Variants in AAK1 observed in about 807,000 individuals in gnomAD.
The protein encoded by AAK1 is AP2-associated protein kinase 1.
A neutral mutation model predicts 116.0 loss-of-function variants in AAK1; 37 were observed. The observed-to-expected ratio is 0.32, with a 90% CI of 0.25 to 0.42. The LOEUF is 0.42. Among genes scored for constraint, AAK1 ranks in the 10% least tolerant of loss-of-function variants. The pLI, the probability that AAK1 is intolerant of heterozygous loss-of-function variation, is 1.00. For missense variants in AAK1, 919 were observed against 1,170.6 expected (o/e 0.79, Z 3.14); for synonymous variants, 458 against 439.9 (o/e 1.04, Z -0.51).
chr2:69,500,688 T>TACAC (rs1395816083), intron 16 of AAK1, among the ~76,000 whole-genome samples: 19 of 112,176 alleles, frequency 1.7e-4, no homozygotes, highest in African/African-American at 6.7e-4. Flanking sequence ...TATATATATA[T>TACAC]ATATATATAT....
At chr2:69,626,308 C>T (rs1438671341) in intron 2 of AAK1, among the ~76,000 whole-genome samples, 1 of 151,630 alleles carries the variant, frequency 6.6e-6, no homozygotes, top group Non-Finnish European at 1.5e-5. Flanking sequence ...TCAGCATCCA[C>T]CTCCCTTCCC....
intron 2 of AAK1, among the ~76,000 whole-genome samples, chr2:69,615,634 G>T (rs1216570731): frequency 6.6e-6 from 1 of 152,180 alleles, no homozygotes; most frequent in Admixed American, 6.5e-5. Flanking sequence ...GAAAGAAACT[G>T]TACTCACACA....
intron 2 of AAK1, among the ~76,000 whole-genome samples, chr2:69,560,258 T>C (rs1489303979): frequency 2.0e-5 from 3 of 152,232 alleles, no homozygotes; most frequent in Non-Finnish European, 4.4e-5. Flanking sequence ...CCATTCAAGA[T>C]ACTTCTCGTG....
chr2:69,484,469 A>G (rs1317781784), intron 17 of AAK1, among the ~76,000 whole-genome samples: 1 of 152,166 alleles, frequency 6.6e-6, no homozygotes, highest in East Asian at 1.9e-4. Flanking sequence ...AATAAGCTAC[A>G]TATCTCATTT....
intron 2 of AAK1, among the ~76,000 whole-genome samples, chr2:69,623,133 C>T (rs13400590): frequency 0.13 from 19,992 of 151,994 alleles, 3,025 homozygotes; most frequent in African/African-American, 0.36. Flanking sequence ...TAACACTCAC[C>T]GCAAAGGTCT....
In AAK1 at chr2:69,544,502, A is replaced by C. The variant is rs767773780; in HGVS notation, c.325T>G (p.Ser109Ala). Residue 109 changes from serine to alanine, a missense_variant, in exon 4 of 22, where the codon TCT (serine) becomes GCT (alanine). Transcript: ENST00000409085. ...CCGCTACTCACGTTGTTGATACTAG[A>C]ATCAATGTAACCCACAATATTCTTG... is the stretch of plus-strand genomic sequence containing the variant. ...GHKNIVGYIDSSINNVSSGDV... is the reference protein window; with the variant it reads ...GHKNIVGYIDASINNVSSGDV... The C allele has an allele frequency of 1.9e-6, 3 of 1,613,842 alleles. No homozygotes were observed. The highest frequency in any genetic ancestry group is 2.5e-6 in the Non-Finnish European group (3 of 1,179,776).
chr2:69,584,260 T>C (rs570992074), intron 2 of AAK1, among the ~76,000 whole-genome samples: 1 of 152,366 alleles, frequency 6.6e-6, no homozygotes, highest in South Asian at 2.1e-4. Context: ...CCTAAGCAGA[T>C]GGCAGGCCTC....
At chr2:69,517,382 A>G (rs1280406549) in intron 12 of AAK1, among the ~76,000 whole-genome samples, 1 of 152,178 alleles carries the variant, frequency 6.6e-6, no homozygotes, top group Non-Finnish European at 1.5e-5. Context: ...GCAAATGATC[A>G]GTGATACCTG....
At position 69,474,404 on chromosome 2, in the gene AAK1, G is replaced by T; in HGVS notation, c.*1465C>A. On this transcript the variant is annotated 3_prime_UTR_variant, in exon 22 of 22. Coordinates refer to ENST00000409085, the MANE Select transcript of AAK1 (RefSeq NM_014911.5). ...TTTTATAAAAGTGCTTTCCACATAA[G>T]GAAATAAAATACACTTTAATGAGTA... 3.0e-6 allele frequency: 3 copies of T among 985,752 alleles called. No individual in the cohort carries two copies. The South Asian group carries it at 1.4e-4, about 46-fold the overall frequency. The allele number at this position is 985,752 out of a possible 1,614,324, so 61.1% of individuals were successfully genotyped here.
chr2:69,472,811 T>G lies in AAK1; in HGVS notation c.*3058A>C. 1 of 985,588 alleles carries G rather than the reference T, an allele frequency of 1.0e-6. No individual in the cohort carries two copies. Among genetic ancestry groups the G allele is most frequent in the Non-Finnish European group, 1.2e-6 (1 of 829,856 alleles). 61.1% of individuals were successfully genotyped at this position (985,588 alleles called of 1,614,324 possible). A position where few individuals can be genotyped will look rare whatever the true frequency, so the allele number is the denominator to read the frequency against. On this transcript the variant is annotated 3_prime_UTR_variant, in exon 22 of 22. Coordinates refer to ENST00000409085, the MANE Select transcript of AAK1 (RefSeq NM_014911.5). The stretch of plus-strand genomic sequence containing the variant: ...TAAAAAGAAATCTTCTGATACCATT[T>G]TATTAGAATAGGTAGGTGTGTGTCC...
chr2:69,590,908 G>A (rs1337960890), intron 2 of AAK1, among the ~76,000 whole-genome samples: 2 of 152,154 alleles, frequency 1.3e-5, no homozygotes, highest in Admixed American at 6.5e-5. Context: ...TTATTGGAGC[G>A]ATAAGGCATG....
intron 10 of AAK1, among the ~76,000 whole-genome samples, chr2:69,521,731 G>A (rs963201608): frequency 1.3e-5 from 2 of 152,158 alleles, no homozygotes; most frequent in African/African-American, 2.4e-5. Context: ...TTATCAGGTG[G>A]CAGTTTCCAG....
chr2:69,588,982 C>G (rs1672905187), intron 2 of AAK1, among the ~76,000 whole-genome samples: 2 of 152,212 alleles, frequency 1.3e-5, no homozygotes, highest in Admixed American at 1.3e-4. Flanking sequence ...AAGAAGGAAT[C>G]CACCTTGAGG....
rs1230605045 is a variant in AAK1, at chr2:69,465,194, A to C, written c.*10675T>G. 2 of 312,224 alleles carry C rather than the reference A, an allele frequency of 6.4e-6. No individual in the cohort carries two copies. Among genetic ancestry groups the C allele is most frequent in the Non-Finnish European group, 1.2e-5 (2 of 171,210 alleles). The allele number at this position is 312,224 out of a possible 1,614,324, so 19.3% of individuals were successfully genotyped here. A position where few individuals can be genotyped will look rare whatever the true frequency, so the allele number is the denominator to read the frequency against. The stretch of plus-strand genomic sequence containing the variant: ...AGGAGATGAAAATGCCTCCAAGTCC[A>C]GAAATCAATATAAACAAACAAACAA... On this transcript the variant is annotated 3_prime_UTR_variant, in exon 22 of 22. Transcript: ENST00000409085.
intron 17 of AAK1, among the ~76,000 whole-genome samples, chr2:69,492,518 C>CTTTTTTTTTTTTTTTTTT (rs987331929): frequency 1.2e-5 from 1 of 83,400 alleles, no homozygotes; most frequent in African/African-American, 5.3e-5. Flanking sequence ...CTGGCCAATT[C>CTTTTTTTTTTTTTTTTTT]TTTTTTTTTT....
rs757588500 is a variant in AAK1, at chr2:69,530,096, T to C, written c.783A>G (p.Pro261=). The change falls in exon 8 of 22, where the codon CCA becomes CCG. Residue 261 remains proline (P), a synonymous_variant. Coordinates refer to ENST00000409085, the MANE Select transcript of AAK1 (RefSeq NM_014911.5). Reference sequence around the variant, plus strand: ...AAATTGCCACCTGACTTTCCCCAAATGGCAAAGTGAAGTAGCATAATTTAT... The same window carrying C: ...AAATTGCCACCTGACTTTCCCCAAACGGCAAAGTGAAGTAGCATAATTTAT... ...LLYKLCYFTL[P]FGESQVAICD... is the part of the protein sequence containing the mutation. The C allele has an allele frequency of 6.2e-7, 1 of 1,611,058 alleles. No homozygotes were observed. Among genetic ancestry groups the C allele is most frequent in the South Asian group, 1.1e-5 (1 of 90,174 alleles).
intron 5 of AAK1, among the ~76,000 whole-genome samples, chr2:69,537,230 G>C (rs1168899301): frequency 1.3e-5 from 2 of 152,220 alleles, no homozygotes; most frequent in Non-Finnish European, 2.9e-5. Context: ...AATTTAAAAT[G>C]GGGAAAATGA....
At chr2:69,548,972 G>A (rs78504301) in intron 3 of AAK1, among the ~76,000 whole-genome samples, 5,676 of 152,024 alleles carry the variant, frequency 0.037, 371 homozygotes, top group African/African-American at 0.13. Context: ...GCCCTCACCC[G>A]TTAGACAGTT....
Position 69,468,908 on chromosome 2 carries a change from CTA to C in AAK1, c.*6959_*6960del, listed in dbSNP as rs1180283822. The C allele has an allele frequency of 2.0e-6, 2 of 985,294 alleles. No homozygotes were observed. Among genetic ancestry groups the C allele is most frequent in the Admixed American group, 6.2e-5 (1 of 16,260 alleles). 61.0% of individuals were successfully genotyped at this position (985,294 alleles called of 1,614,324 possible). ...AAAACCTTCCAACTCAGAGCATATT[CTA>C]TGACCTTCATGATGAGTACTGGGAA... On this transcript the variant is annotated 3_prime_UTR_variant, in exon 22 of 22. Transcript: ENST00000409085.
Sources: gnomAD v4.1 joint callset for allele counts (sites outside exome capture counted in the v4.1 genomes callset) on GRCh38, gnomAD v4.1.1 for gene constraint, MANE v1.5 for transcripts, NCBI Gene and HGNC (gene_info 2026-07-23, HGNC 2026-07-21) for gene names.